Variants in CENPU observed in about 807,000 individuals in gnomAD.
The protein encoded by CENPU is KSHV latent nuclear antigen interacting protein 1.
A neutral mutation model predicts 56.7 loss-of-function variants in CENPU; 46 were observed. The ratio of observed to expected loss-of-function variants is 0.81; its 90% CI spans 0.64 to 1.04. The LOEUF (loss-of-function observed/expected upper bound fraction) is 1.04, where lower values mean the gene tolerates loss of function less well. Among genes scored for constraint, CENPU ranks in the 50% least tolerant of loss-of-function variants. The pLI, the probability that CENPU is intolerant of heterozygous loss-of-function variation, is 0.00. For missense variants in CENPU, 510 were observed against 490.1 expected (o/e 1.04, Z -0.38); for synonymous variants, 166 against 163.0 (o/e 1.02, Z -0.14).
In CENPU at chr4:184,724,914, C is replaced by A. The variant is rs773724779; in HGVS notation, c.320+43G>T. ...CTATCTTAAAGAGTTTCTCAGAAAT[C>A]CCATTAACCATGAATAAACAATTGC... On this transcript the variant is annotated intron_variant, in intron 4 of 12. Coordinates refer to ENST00000281453, the MANE Select transcript of CENPU (RefSeq NM_024629.4). The A allele has an allele frequency of 2.4e-6, 3 of 1,263,636 alleles. No individual in the cohort carries two copies. In the African/African-American group the frequency reaches 4.5e-5, roughly 19 times the overall value. The allele number at this position is 1,263,636 out of a possible 1,614,324, so 78.3% of individuals were successfully genotyped here.
intron 8 of CENPU, among the ~76,000 whole-genome samples, chr4:184,708,235 A>G (rs1579768626): frequency 9.8e-6 from 1 of 102,256 alleles, no homozygotes; most frequent in African/African-American, 4.5e-5. Flanking sequence ...AAAAAAAAAA[A>G]AAAAAAAAAG....
At chr4:184,716,327 C>T in intron 6 of CENPU, 70 bp downstream of exon 6, 1 of 902,086 alleles carries the variant, frequency 1.1e-6, no homozygotes, top group South Asian at 1.5e-5. Flanking sequence ...AGAGAAAATG[C>T]TTCATTTTCT....
intron 10 of CENPU, among the ~76,000 whole-genome samples, chr4:184,701,252 G>A (rs1760525832): frequency 2.0e-5 from 3 of 152,116 alleles, no homozygotes; most frequent in African/African-American, 7.2e-5. Context: ...TATTTTAAAA[G>A]AAATATTTCA....
chr4:184,712,119 C>CAAAAAAAAAAA (rs10650384), intron 7 of CENPU, among the ~76,000 whole-genome samples: 4 of 80,692 alleles, frequency 5.0e-5, no homozygotes, highest in African/African-American at 1.4e-4. Flanking sequence ...GACTCAGTCT[C>CAAAAAAAAAAA]AAAAAAAAAA....
In CENPU at chr4:184,694,825, A is replaced by C; in HGVS notation, c.*463T>G. ...TTGTCACCAGGCTATAATTTGCCTG[A>C]TGTCTGTGAGATTTGATAAATATAT... On this transcript the variant is annotated 3_prime_UTR_variant, in exon 13 of 13. Transcript: ENST00000281453. The C allele has an allele frequency of 6.7e-7, 1 of 1,486,228 alleles. No homozygotes were observed. The allele number at this position is 1,486,228 out of a possible 1,614,324, so 92.1% of individuals were successfully genotyped here. A position where few individuals can be genotyped will look rare whatever the true frequency, so the allele number is the denominator to read the frequency against.
At chr4:184,702,272 A>G (rs914735733) in intron 9 of CENPU, 91 bp downstream of exon 9, 12 of 1,348,794 alleles carry the variant, frequency 8.9e-6, no homozygotes, top group African/African-American at 1.5e-5. Context: ...CCATACTGCC[A>G]GCAAATGCAA....
In CENPU at chr4:184,713,028, AGCATTAAGTTTTT is replaced by A; in HGVS notation, c.619-28_619-16del. On this transcript the variant is annotated splice_polypyrimidine_tract_variant and intron_variant, in intron 6 of 12. Transcript: ENST00000281453. ...TTCTGAGTTTTCTACAAAAAAAAAA[AGCATTAAGTTTTT>A]AAGAAAAGTTTTCTTTCTCTTAAAA... 2.0e-6 allele frequency: 3 copies of A among 1,469,486 alleles called. No individual in the cohort carries two copies. Among genetic ancestry groups the A allele is most frequent in the Non-Finnish European group, 2.8e-6 (3 of 1,076,972 alleles). 91.0% of individuals were successfully genotyped at this position (1,469,486 alleles called of 1,614,324 possible).
chr4:184,710,846 A>C lies in CENPU; in HGVS notation c.689-666T>G, dbSNP rs796896187. ...TTATCAATTTGCAAAGCATACCCTA[A>C]TTTTTTTTCTTAGAAAAATTTTTTT... On this transcript the variant is annotated intron_variant, in intron 7 of 12. Coordinates refer to ENST00000281453, the MANE Select transcript of CENPU (RefSeq NM_024629.4). Among the ~76,000 whole-genome samples the C allele has an allele frequency of 3.3e-5, 5 of 151,984 alleles. 1 individual carries two copies. Among genetic ancestry groups the C allele is most frequent in the African/African-American group, 1.2e-4 (5 of 41,428 alleles).
At chr4:184,733,378 G>C in intron 1 of CENPU, 1 of 990,200 alleles carries the variant, frequency 1.0e-6, no homozygotes, top group Non-Finnish European at 1.2e-6. Context: ...TTTGTGCACC[G>C]TCTGCAGCAA....
chr4:184,713,383 G>C (rs1760988151), intron 6 of CENPU, among the ~76,000 whole-genome samples: 1 of 152,194 alleles, frequency 6.6e-6, no homozygotes, highest in South Asian at 2.1e-4. Flanking sequence ...AACAGAGCAA[G>C]ACTCCGTCTC....
intron 3 of CENPU, among the ~76,000 whole-genome samples, chr4:184,727,458 A>G (rs1761497294): frequency 6.6e-6 from 1 of 152,026 alleles, no homozygotes; most frequent in Non-Finnish European, 1.5e-5. Context: ...CATACCCCAT[A>G]CACACACTCA....
In CENPU at chr4:184,694,849, A is replaced by G; in HGVS notation, c.*439T>C. 1 of 1,321,030 alleles carries G rather than the reference A, an allele frequency of 7.6e-7. No homozygotes were observed. 81.8% of individuals were successfully genotyped at this position (1,321,030 alleles called of 1,614,324 possible). ...GATGTCTGTGAGATTTGATAAATAT[A>G]TCATTCAACCTGTTTATATAAACTA... On this transcript the variant is annotated 3_prime_UTR_variant, in exon 13 of 13. Coordinates refer to ENST00000281453, the MANE Select transcript of CENPU (RefSeq NM_024629.4).
intron 6 of CENPU, 37 bp downstream of exon 6, chr4:184,716,360 T>C: frequency 7.0e-7 from 1 of 1,435,518 alleles, no homozygotes; most frequent in Non-Finnish European, 9.6e-7. Flanking sequence ...TTCAATAAAC[T>C]TTTTTTGCCC....
At chr4:184,711,947 C>T (rs1024687248) in intron 7 of CENPU, among the ~76,000 whole-genome samples, 2 of 151,778 alleles carry the variant, frequency 1.3e-5, no homozygotes, top group Non-Finnish European at 2.9e-5. Flanking sequence ...ATGGTAAAAC[C>T]CCGTCTCTAC....
chr4:184,709,110 G>C (rs1233613684), intron 8 of CENPU, among the ~76,000 whole-genome samples: 1 of 152,102 alleles, frequency 6.6e-6, no homozygotes, highest in Non-Finnish European at 1.5e-5. Context: ...GAAATTCAAA[G>C]ACTGATACAC....
At chr4:184,713,910 G>A (rs1375074497) in intron 6 of CENPU, 2 of 152,278 alleles carry the variant, frequency 1.3e-5, no homozygotes, top group Non-Finnish European at 2.9e-5. Flanking sequence ...CCTGTGGGGG[G>A]TGTCCTAAGA....
At chr4:184,695,495 A>C (rs980271217) in intron 12 of CENPU, 94 bp from the exon 13 acceptor site, 1 of 771,110 alleles carries the variant, frequency 1.3e-6, no homozygotes, top group African/African-American at 1.7e-5. Context: ...ATTTTGATTG[A>C]GCTTTCCATT....
At position 184,734,017 on chromosome 4, in the gene CENPU, C is replaced by T. The variant is rs902174; in HGVS notation, c.46G>A (p.Gly16Ser). 424,643 of 1,603,752 alleles carry T rather than the reference C, an allele frequency of 0.26. 63,242 individuals carry two copies. Among genetic ancestry groups the T allele is most frequent in the East Asian group, 0.68 (30,050 of 44,304 alleles). Reference sequence around the variant, plus strand: ...CTCCCGAGGGTCGGCAGTACTTACCCCTCAGACCTGTGAGGCCGCGGCCGC... The same window carrying T: ...CTCCCGAGGGTCGGCAGTACTTACCTCTCAGACCTGTGAGGCCGCGGCCGC... ...RRRPRPHRSEGARRSKNTLER... is the reference protein window; with the variant it reads ...RRRPRPHRSESARRSKNTLER... The change falls in exon 1 of 13, where the codon GGC becomes AGC. Residue 16 changes from glycine (G) to serine (S), a missense_variant and splice_region_variant. Gly to Ser is a moderately conservative substitution (Grantham distance 56). Coordinates refer to ENST00000281453, the MANE Select transcript of CENPU (RefSeq NM_024629.4).
At chr4:184,733,203 T>TC (rs1554013334) in intron 1 of CENPU, 1 of 401,944 alleles carries the variant, frequency 2.5e-6, no homozygotes, top group Non-Finnish European at 3.4e-6. Flanking sequence ...GTCTTCATTC[T>TC]CCTCCACTGG....
Sources: gnomAD v4.1 joint callset for allele counts (sites outside exome capture counted in the v4.1 genomes callset) on GRCh38, gnomAD v4.1.1 for gene constraint, MANE v1.5 for transcripts, NCBI Gene and HGNC (gene_info 2026-07-23, HGNC 2026-07-21) for gene names.